Variants in METTL9 observed in about 807,000 individuals in gnomAD.
The protein encoded by METTL9 is protein-L-histidine N-pros-methyltransferase.
A neutral mutation model predicts 36.0 loss-of-function variants in METTL9; 10 were observed. The observed-to-expected ratio is 0.28, with a 90% CI of 0.17 to 0.47. METTL9 has a LOEUF of 0.47. Ranked by LOEUF, METTL9 falls within the 20% of genes least tolerant of loss-of-function variation. METTL9 has a pLI of 0.99. For missense variants in METTL9, 246 were observed against 383.5 expected (o/e 0.64, Z 3.00); for synonymous variants, 175 against 149.7 (o/e 1.17, Z -1.23).
rs1292618708 is a variant in METTL9, at chr16:21,649,964, C to G, written c.752-5263C>G. ...GCTCAAGCAATCCACTCGCCTCAGC[C>G]TTCCAAATTGGGTAGTGTTTTTAAA... On this transcript the variant is annotated intron_variant, in intron 4 of 4. Transcript: ENST00000358154. Among the ~76,000 whole-genome samples, 4 of 152,122 alleles carry G rather than the reference C, an allele frequency of 2.6e-5. 1 individual carries two copies. The highest frequency in any genetic ancestry group is 2.0e-4 in the Admixed American group (3 of 15,268).
chr16:21,601,651 A>G (rs1032889558), intron 1 of METTL9, among the ~76,000 whole-genome samples: 4 of 152,146 alleles, frequency 2.6e-5, no homozygotes, highest in Non-Finnish European at 5.9e-5. Context: ...TGTACCTTTT[A>G]AAAGCTGAAT....
chr16:21,645,768 A>C (rs1190883023), intron 4 of METTL9, among the ~76,000 whole-genome samples: 4 of 152,174 alleles, frequency 2.6e-5, no homozygotes, highest in African/African-American at 9.7e-5. Context: ...AGACATACAA[A>C]TCTCTAAAGC....
chr16:21,614,121 C>T (rs550322695), intron 2 of METTL9, among the ~76,000 whole-genome samples: 22 of 152,258 alleles, frequency 1.4e-4, no homozygotes, highest in Non-Finnish European at 2.9e-4. Context: ...AATTGCCATA[C>T]GTTTGCTTTG....
At chr16:21,622,389 C>T (rs1965726627) in intron 3 of METTL9, among the ~76,000 whole-genome samples, 1 of 151,720 alleles carries the variant, frequency 6.6e-6, no homozygotes, top group Non-Finnish European at 1.5e-5. Context: ...CTCAAGCGAT[C>T]CTCCCAAAGT....
intron 2 of METTL9, among the ~76,000 whole-genome samples, chr16:21,617,609 A>C (rs765840111): frequency 2.1e-5 from 3 of 145,502 alleles, no homozygotes; most frequent in Non-Finnish European, 4.5e-5. Context: ...CATGCCTGTA[A>C]TCCCAGCTAC....
chr16:21,648,363 G>A (rs1195633139), intron 4 of METTL9, among the ~76,000 whole-genome samples: 2 of 152,184 alleles, frequency 1.3e-5, no homozygotes, highest in Non-Finnish European at 2.9e-5. Context: ...TGCAGTTAGT[G>A]TGACGTTCAA....
At chr16:21,629,450 T>C (rs978793764) in intron 4 of METTL9, among the ~76,000 whole-genome samples, 4 of 152,082 alleles carry the variant, frequency 2.6e-5, no homozygotes, top group African/African-American at 9.7e-5. Flanking sequence ...ACTCATAAAT[T>C]TCTATTGTTC....
chr16:21,636,616 C>G (rs144735825), intron 4 of METTL9, among the ~76,000 whole-genome samples: 1 of 152,140 alleles, frequency 6.6e-6, no homozygotes, highest in Non-Finnish European at 1.5e-5. Context: ...GTTGGGACCC[C>G]GGAGCTGAAT....
Position 21,605,257 on chromosome 16 carries a change from C to CTTTTTTTTTTTTTT in METTL9, c.165+5385_165+5398dup, listed in dbSNP as rs3046231. 2.5e-3 allele frequency among the ~76,000 whole-genome samples: 128 copies of CTTTTTTTTTTTTTT among 51,226 alleles called. 37 individuals carry two copies. Among genetic ancestry groups the CTTTTTTTTTTTTTT allele is most frequent in the Non-Finnish European group, 3.6e-3 (92 of 25,854 alleles). 33.6% of individuals were successfully genotyped at this position (51,226 alleles called of 152,430 possible). A position where few individuals can be genotyped will look rare whatever the true frequency, so the allele number is the denominator to read the frequency against. On this transcript the variant is annotated intron_variant, in intron 1 of 4. Coordinates refer to ENST00000358154, the MANE Select transcript of METTL9 (RefSeq NM_016025.5). The stretch of plus-strand genomic sequence containing the variant: ...GGGGTGGTAAAAATAGGCTTGCCTT[C>CTTTTTTTTTTTTTT]TTTTTTTTTTTTTTTTTTTTTTTTT...
At position 21,647,634 on chromosome 16, in the gene METTL9, C is replaced by T. The variant is rs1234031578; in HGVS notation, c.752-7593C>T. On this transcript the variant is annotated intron_variant, in intron 4 of 4. Transcript: ENST00000358154. ...TATAAATAAGACTAAAAATAAACACCAGTGGTCCTCACTTGCCCCAACTCC... is the reference window on the plus strand; with the variant it reads ...TATAAATAAGACTAAAAATAAACACTAGTGGTCCTCACTTGCCCCAACTCC... 3.7e-6 allele frequency: 4 copies of T among 1,095,786 alleles called. No individual in the cohort carries two copies. The African/African-American group carries it at 4.8e-5, about 13-fold the overall frequency. The allele number at this position is 1,095,786 out of a possible 1,614,324, so 67.9% of individuals were successfully genotyped here.
At chr16:21,646,855 C>T in intron 4 of METTL9, 1 of 416,258 alleles carries the variant, frequency 2.4e-6, no homozygotes, top group Non-Finnish European at 4.5e-6. Context: ...GGGGTTTCAC[C>T]ATGTTGGCCA....
At position 21,656,640 on chromosome 16, in the gene METTL9, TTAACAA is replaced by T. The variant is rs1966717599; in HGVS notation, c.*1211_*1216del. 1.3e-5 allele frequency: 2 copies of T among 152,224 alleles called. No individual in the cohort carries two copies. Among genetic ancestry groups the T allele is most frequent in the Admixed American group, 6.5e-5 (1 of 15,280 alleles). The allele number at this position is 152,224 out of a possible 1,614,324, so 9.4% of individuals were successfully genotyped here. Reference sequence around the variant, plus strand: ...AAATGTCAATATGAGATTGTGGTTATTAACAATATGTTATCCTCACTACTTTATTTC... The same window carrying T: ...AAATGTCAATATGAGATTGTGGTTATTATGTTATCCTCACTACTTTATTTC... On this transcript the variant is annotated 3_prime_UTR_variant, in exon 5 of 5. Transcript: ENST00000358154.
chr16:21,616,104 G>T (rs965220117), intron 2 of METTL9, among the ~76,000 whole-genome samples: 3 of 152,124 alleles, frequency 2.0e-5, no homozygotes, highest in African/African-American at 4.8e-5. Flanking sequence ...GTCTTACCTT[G>T]GGCACCGTGT....
Position 21,655,357 on chromosome 16 carries a change from A to G in METTL9, c.882A>G (p.Pro294=), listed in dbSNP as rs1257166693. The change falls in exon 5 of 5, where the codon CCA becomes CCG. Residue 294 remains proline, a synonymous_variant. Transcript: ENST00000358154. ...TTATCGAAGCTTTCACCAGACTACC[A>G]TACCTGTGTGAAGGCGACATGTATA... is the stretch of plus-strand genomic sequence containing the variant. ...GFVIEAFTRL[P]YLCEGDMYND... is the part of the protein sequence containing the mutation. 5 of 1,614,080 alleles carry G rather than the reference A, an allele frequency of 3.1e-6. No homozygotes were observed. The highest frequency in any genetic ancestry group is 2.2e-5 in the East Asian group (1 of 44,900).
intron 3 of METTL9, among the ~76,000 whole-genome samples, chr16:21,619,413 CTAGGAA>C (rs1965636118): frequency 1.0e-5 from 1 of 98,222 alleles, no homozygotes; most frequent in South Asian, 4.3e-4. Flanking sequence ...GTTTGAAAGA[CTAGGAA>C]GAAGGGCCTT....
At chr16:21,626,918 C>T (rs959230477) in intron 4 of METTL9, 15 of 975,580 alleles carry the variant, frequency 1.5e-5, no homozygotes, top group South Asian at 4.7e-5. Flanking sequence ...ATTTTATTTC[C>T]TTGTGTTTCT....
At chr16:21,639,199 G>A (rs1021441110) in intron 4 of METTL9, among the ~76,000 whole-genome samples, 1 of 152,164 alleles carries the variant, frequency 6.6e-6, no homozygotes, top group Admixed American at 6.5e-5. Context: ...ATAAGACCTA[G>A]AGGAATGGAA....
intron 4 of METTL9, chr16:21,646,570 T>C (rs1262084896): frequency 1.6e-5 from 3 of 183,544 alleles, no homozygotes; most frequent in South Asian, 1.1e-4. Context: ...GTGAACATGG[T>C]TGGTTAAACA....
At chr16:21,617,232 C>T (rs1965575024) in intron 2 of METTL9, among the ~76,000 whole-genome samples, 1 of 151,698 alleles carries the variant, frequency 6.6e-6, no homozygotes, top group Non-Finnish European at 1.5e-5. Context: ...TCCTGGCTAA[C>T]ATGGTGAAAC....
Sources: gnomAD v4.1 joint callset for allele counts (sites outside exome capture counted in the v4.1 genomes callset) on GRCh38, gnomAD v4.1.1 for gene constraint, MANE v1.5 for transcripts, NCBI Gene and HGNC (gene_info 2026-07-23, HGNC 2026-07-21) for gene names.